The following PAIP2 variants were observed in gnomAD, a reference collection of about 807,000 sequenced individuals.
PAIP2 encodes polyadenylate-binding protein-interacting protein 2.
Under a neutral mutation model 14.8 loss-of-function variants are expected in PAIP2, and 7 were observed. That is an observed-to-expected ratio of 0.47 (90% CI 0.27 to 0.89). The LOEUF is 0.89. Among genes scored for constraint, PAIP2 ranks in the 40% least tolerant of loss-of-function variants. The pLI, the probability that PAIP2 is intolerant of heterozygous loss-of-function variation, is 0.13. For missense variants in PAIP2, 122 were observed against 154.7 expected (o/e 0.79, Z 1.12); for synonymous variants, 47 against 45.3 (o/e 1.04, Z -0.15).
intron 1 of PAIP2, among the ~76,000 whole-genome samples, chr5:139,344,337 T>C (rs1360586151): frequency 2.6e-5 from 4 of 152,242 alleles, no homozygotes; most frequent in Non-Finnish European, 4.4e-5. Flanking sequence ...ACCTACGTCT[T>C]CTGACTGTGG....
chr5:139,368,903 T>C lies in PAIP2; in HGVS notation c.*105T>C, dbSNP rs995671401. 11 of 813,348 alleles carry C rather than the reference T, an allele frequency of 1.4e-5. No homozygotes were observed. Among genetic ancestry groups the C allele is most frequent in the South Asian group, 6.6e-5 (4 of 60,628 alleles). 50.4% of individuals were successfully genotyped at this position (813,348 alleles called of 1,614,324 possible). On this transcript the variant is annotated 3_prime_UTR_variant, in exon 4 of 4. Coordinates refer to ENST00000265192, the MANE Select transcript of PAIP2 (RefSeq NM_016480.5). ...CTCTCTTGTCACTGTGTTACACTTA[T>C]GCATTGCCAAAGTTTTTGTTAGTCT...
At chr5:139,347,549 C>T (rs1756590548) in intron 1 of PAIP2, among the ~76,000 whole-genome samples, 1 of 152,136 alleles carries the variant, frequency 6.6e-6, no homozygotes, top group South Asian at 2.1e-4. Context: ...GGTGGGATTA[C>T]AGGCCTGAGC....
At chr5:139,349,710 A>T (rs557840839) in intron 1 of PAIP2, among the ~76,000 whole-genome samples, 136 of 152,256 alleles carry the variant, frequency 8.9e-4, no homozygotes, top group Non-Finnish European at 1.7e-3. Flanking sequence ...GTTATCAAAA[A>T]TGTTAATTCC....
chr5:139,353,757 T>C (rs1756823776), intron 1 of PAIP2, among the ~76,000 whole-genome samples: 1 of 151,968 alleles, frequency 6.6e-6, no homozygotes, highest in Admixed American at 6.6e-5. Flanking sequence ...TCACTGTTGT[T>C]GGCCCAGGCT....
chr5:139,352,660 A>G (rs919457225), intron 1 of PAIP2, among the ~76,000 whole-genome samples: 5 of 150,646 alleles, frequency 3.3e-5, no homozygotes, highest in African/African-American at 9.7e-5. Flanking sequence ...TAGTAGAGAC[A>G]GGGTTTCTCC....
At chr5:139,358,297 T>C (rs759560677) in intron 1 of PAIP2, among the ~76,000 whole-genome samples, 7 of 152,224 alleles carry the variant, frequency 4.6e-5, no homozygotes, top group Non-Finnish European at 1.0e-4. Flanking sequence ...ATTAAATAGA[T>C]GATGACTGTA....
At chr5:139,342,762 C>CA (rs1756422041) in intron 1 of PAIP2, 2 of 152,280 alleles carry the variant, frequency 1.3e-5, no homozygotes, top group South Asian at 4.1e-4. Flanking sequence ...CTTAGGTCTT[C>CA]AAAACATTTG....
chr5:139,342,049 C>A (rs888181946), intron 1 of PAIP2, 69 bp downstream of exon 1: 1 of 152,710 alleles, frequency 6.5e-6, no homozygotes, highest in African/African-American at 2.4e-5. Context: ...TCGGCGACGG[C>A]AGAGGGGCCT....
At chr5:139,352,513 TTGAGATGGAGTTTCGTCC>T (rs1756776145) in intron 1 of PAIP2, among the ~76,000 whole-genome samples, 3 of 148,898 alleles carry the variant, frequency 2.0e-5, no homozygotes, top group Admixed American at 6.7e-5. Flanking sequence ...TTTTTTTTTT[TTGAGATGGAGTTTCGTCC>T]TTGTTGCCCA....
chr5:139,367,640 A>C (rs1757343776), intron 3 of PAIP2: 1 of 152,170 alleles, frequency 6.6e-6, no homozygotes, highest in Non-Finnish European at 1.5e-5. Flanking sequence ...TCCTGTGGGA[A>C]TTAGAAGATG....
chr5:139,358,001 T>A (rs80032138), intron 1 of PAIP2, among the ~76,000 whole-genome samples: 1,562 of 152,220 alleles, frequency 0.01, 27 homozygotes, highest in African/African-American at 0.036. Flanking sequence ...TCTTAAGCAT[T>A]CCTCTGGAAG....
chr5:139,343,874 C>A (rs964818086), intron 1 of PAIP2, among the ~76,000 whole-genome samples: 1 of 151,894 alleles, frequency 6.6e-6, no homozygotes, highest in Non-Finnish European at 1.5e-5. Flanking sequence ...CTTGCCACCA[C>A]GCCGGCTAAT....
chr5:139,349,596 T>G (rs1756664383), intron 1 of PAIP2, among the ~76,000 whole-genome samples: 1 of 152,116 alleles, frequency 6.6e-6, no homozygotes, highest in Non-Finnish European at 1.5e-5. Context: ...TTATTAAGTG[T>G]AGGAAAATAA....
At chr5:139,358,434 G>A (rs1318113363) in intron 1 of PAIP2, among the ~76,000 whole-genome samples, 1 of 152,144 alleles carries the variant, frequency 6.6e-6, no homozygotes, top group Non-Finnish European at 1.5e-5. Flanking sequence ...GGTGGGGAGG[G>A]AGTCAGCTAC....
At chr5:139,359,902 C>T (rs1757019522) in intron 1 of PAIP2, among the ~76,000 whole-genome samples, 1 of 151,686 alleles carries the variant, frequency 6.6e-6, no homozygotes, top group Non-Finnish European at 1.5e-5. Flanking sequence ...AACCAGGAGG[C>T]AGAGGTTGCA....
intron 2 of PAIP2, among the ~76,000 whole-genome samples, chr5:139,364,288 C>G (rs569557363): frequency 6.6e-6 from 1 of 152,158 alleles, no homozygotes; most frequent in Non-Finnish European, 1.5e-5. Flanking sequence ...CAGGAGCAGA[C>G]AGGCACAGAA....
chr5:139,365,663 CAA>C (rs58393182), intron 3 of PAIP2, among the ~76,000 whole-genome samples: 13 of 127,330 alleles, frequency 1.0e-4, no homozygotes, highest in Admixed American at 1.6e-4. Context: ...AAGACTGTCT[CAA>C]AAAAAAAAAA....
At chr5:139,344,683 T>C (rs1756482882) in intron 1 of PAIP2, among the ~76,000 whole-genome samples, 1 of 152,226 alleles carries the variant, frequency 6.6e-6, no homozygotes, top group South Asian at 2.1e-4. Context: ...GTGGCATTTC[T>C]AATGTACTTG....
chr5:139,365,137 T>G (rs1040106883), intron 3 of PAIP2: 1 of 120,726 alleles, frequency 8.3e-6, no homozygotes, highest in Non-Finnish European at 1.7e-5. Context: ...AGAGTGAAAC[T>G]CTATTAAATA....
Sources: gnomAD v4.1 joint callset for allele counts (sites outside exome capture counted in the v4.1 genomes callset) on GRCh38, gnomAD v4.1.1 for gene constraint, MANE v1.5 for transcripts, NCBI Gene and HGNC (gene_info 2026-07-23, HGNC 2026-07-21) for gene names.